The following CDK8 variants were observed in gnomAD, a reference collection of about 807,000 sequenced individuals.
The protein encoded by CDK8 is cyclin-dependent kinase 8.
Under a neutral mutation model 71.5 loss-of-function variants are expected in CDK8, and 29 were observed. That is an observed-to-expected ratio of 0.41 (90% CI 0.30 to 0.55). The LOEUF (loss-of-function observed/expected upper bound fraction) is 0.55, where lower values mean the gene tolerates loss of function less well. Ranked by LOEUF, CDK8 falls within the 20% of genes least tolerant of loss-of-function variation. The pLI is 0.37. For missense variants in CDK8, 288 were observed against 572.6 expected (o/e 0.50, Z 5.07); for synonymous variants, 161 against 192.1 (o/e 0.84, Z 1.34).
intron 4 of CDK8, among the ~76,000 whole-genome samples, chr13:26,364,367 G>A (rs1169015068): frequency 2.0e-5 from 3 of 152,150 alleles, no homozygotes; most frequent in Non-Finnish European, 2.9e-5. Flanking sequence ...AATATTAAAT[G>A]TGTCACATAA....
intron 6 of CDK8, among the ~76,000 whole-genome samples, chr13:26,387,851 G>T (rs1434236753): frequency 6.6e-6 from 1 of 152,066 alleles, no homozygotes. Flanking sequence ...CCCTACCTCC[G>T]CCTTCACACC....
chr13:26,402,835 TTTGTTGGTGTGATTG>T (rs1164644363), intron 12 of CDK8, among the ~76,000 whole-genome samples: 4 of 152,258 alleles, frequency 2.6e-5, no homozygotes, highest in Admixed American at 6.5e-5. Flanking sequence ...GCCATGCTGC[TTTGTTGGTGTGATTG>T]TTGTTGGTTT....
At chr13:26,286,635 A>G (rs1873033820) in intron 1 of CDK8, among the ~76,000 whole-genome samples, 1 of 152,210 alleles carries the variant, frequency 6.6e-6, no homozygotes, top group Non-Finnish European at 1.5e-5. Flanking sequence ...TCCAAAAACA[A>G]ATGCAGCAAA....
intron 1 of CDK8, among the ~76,000 whole-genome samples, chr13:26,272,945 T>G: frequency 6.6e-6 from 1 of 152,236 alleles, no homozygotes; most frequent in Non-Finnish European, 1.5e-5. Context: ...TTGTTGGTAT[T>G]GTTTGTAGCA....
intron 1 of CDK8, among the ~76,000 whole-genome samples, chr13:26,278,038 G>A (rs1345545049): frequency 6.6e-6 from 1 of 152,122 alleles, no homozygotes; most frequent in Non-Finnish European, 1.5e-5. Context: ...CCAGATTATG[G>A]AATGGAAAAA....
At chr13:26,312,568 C>T (rs34937489) in intron 1 of CDK8, among the ~76,000 whole-genome samples, 62,159 of 151,876 alleles carry the variant, frequency 0.41, 14,395 homozygotes, top group Non-Finnish European at 0.52. Flanking sequence ...ACGAACCCTC[C>T]GGAAGGAAGA....
intron 2 of CDK8, among the ~76,000 whole-genome samples, chr13:26,345,087 T>C (rs1873408339): frequency 1.3e-5 from 2 of 152,206 alleles, no homozygotes. Context: ...TTATGAAGGT[T>C]GTGTGTCACT....
At chr13:26,380,988 G>A (rs1430273340) in intron 4 of CDK8, among the ~76,000 whole-genome samples, 2 of 152,132 alleles carry the variant, frequency 1.3e-5, no homozygotes, top group Non-Finnish European at 2.9e-5. Context: ...TTTCCGTGTG[G>A]AAGGTTCTAA....
At chr13:26,274,548 C>T (rs2137876196) in intron 1 of CDK8, among the ~76,000 whole-genome samples, 1 of 151,988 alleles carries the variant, frequency 6.6e-6, no homozygotes, top group Non-Finnish European at 1.5e-5. Context: ...TCTCCTGCCT[C>T]AGCCTCCCGA....
chr13:26,388,151 A>G (rs1392111907), intron 6 of CDK8, among the ~76,000 whole-genome samples: 1 of 152,232 alleles, frequency 6.6e-6, no homozygotes, highest in African/African-American at 2.4e-5. Flanking sequence ...AATCCAATAT[A>G]TCATTTCCAA....
intron 1 of CDK8, among the ~76,000 whole-genome samples, chr13:26,257,016 C>T (rs1871553989): frequency 6.6e-6 from 1 of 151,990 alleles, no homozygotes; most frequent in Admixed American, 6.6e-5. Flanking sequence ...GATCTTATGT[C>T]AGTGAAATGT....
intron 1 of CDK8, among the ~76,000 whole-genome samples, chr13:26,322,365 T>C (rs571721800): frequency 6.6e-6 from 1 of 152,330 alleles, no homozygotes; most frequent in East Asian, 1.9e-4. Context: ...CGCTGGCTGC[T>C]GATGCTCCCA....
intron 6 of CDK8, 43 bp downstream of exon 6, chr13:26,385,385 C>G: frequency 6.8e-7 from 1 of 1,478,760 alleles, no homozygotes; most frequent in Non-Finnish European, 9.2e-7. Flanking sequence ...TTAAAAGTTT[C>G]TTTAAAAGAC....
intron 1 of CDK8, among the ~76,000 whole-genome samples, chr13:26,260,764 A>T (rs549198229): frequency 4.2e-4 from 64 of 152,238 alleles, no homozygotes; most frequent in Admixed American, 8.5e-4. Flanking sequence ...CTCTGGGCAA[A>T]TGTGTTCTAA....
intron 1 of CDK8, among the ~76,000 whole-genome samples, chr13:26,335,372 G>T (rs1162764793): frequency 6.6e-6 from 1 of 151,992 alleles, no homozygotes; most frequent in African/African-American, 2.4e-5. Flanking sequence ...TTGCTATTCT[G>T]CCCTTTTTGA....
intron 1 of CDK8, among the ~76,000 whole-genome samples, chr13:26,269,545 A>ATT (rs1363155658): frequency 6.7e-6 from 1 of 150,080 alleles, no homozygotes; most frequent in African/African-American, 2.4e-5. Context: ...TTCTCTTTAG[A>ATT]TTGTTTTTTT....
chr13:26,391,036 C>T (rs1423245321), intron 6 of CDK8, among the ~76,000 whole-genome samples: 1 of 149,368 alleles, frequency 6.7e-6, no homozygotes, highest in Non-Finnish European at 1.5e-5. Flanking sequence ...GAAAAAGAAA[C>T]TTATTTACAA....
intron 6 of CDK8, among the ~76,000 whole-genome samples, chr13:26,388,478 T>C (rs188110617): frequency 4.6e-5 from 7 of 152,308 alleles, no homozygotes; most frequent in Admixed American, 4.6e-4. Flanking sequence ...AAAATGAATG[T>C]TTAAAAGCAG....
intron 1 of CDK8, among the ~76,000 whole-genome samples, chr13:26,323,325 G>A (rs1402610806): frequency 1.7e-5 from 2 of 118,718 alleles, no homozygotes; most frequent in Non-Finnish European, 3.5e-5. Context: ...GAGAGAGAGA[G>A]AGGGAGAGAG....
Sources: gnomAD v4.1 joint callset for allele counts (sites outside exome capture counted in the v4.1 genomes callset) on GRCh38, gnomAD v4.1.1 for gene constraint, MANE v1.5 for transcripts, NCBI Gene and HGNC (gene_info 2026-07-23, HGNC 2026-07-21) for gene names.